Variants in PRR16 observed in about 807,000 individuals in gnomAD.
The protein encoded by PRR16 is proline rich 16.
A neutral mutation model predicts 18.2 loss-of-function variants in PRR16; 6 were observed. That is an observed-to-expected ratio of 0.33 (90% confidence interval 0.18 to 0.65). The LOEUF is 0.65. PRR16 is among the 30% of genes least tolerant of loss of function. PRR16 has a pLI of 0.74. For synonymous variants in PRR16, 151 were observed against 147.8 expected, an observed-to-expected ratio of 1.02 and a Z score of -0.16; for missense variants, 412 against 376.6, an observed-to-expected ratio of 1.09 and a Z score of -0.78.
At chr5:120,654,716 G>A (rs1481194858) in intron 1 of PRR16, among the ~76,000 whole-genome samples, 2 of 151,682 alleles carry the variant, frequency 1.3e-5, no homozygotes, top group Non-Finnish European at 2.9e-5. Context: ...ATGATTCTAT[G>A]AAAATATGTA....
chr5:120,514,405 A>G (rs1750922832), intron 1 of PRR16, among the ~76,000 whole-genome samples: 1 of 152,056 alleles, frequency 6.6e-6, no homozygotes, highest in Non-Finnish European at 1.5e-5. Context: ...ATGCTTTTCT[A>G]TTTTTTACAT....
intron 1 of PRR16, among the ~76,000 whole-genome samples, chr5:120,675,082 G>T (rs191077242): frequency 6.6e-6 from 1 of 151,850 alleles, no homozygotes; most frequent in South Asian, 2.1e-4. Context: ...CATTCATTTT[G>T]GTCTTTCTGT....
chr5:120,656,602 A>C (rs6891778), intron 1 of PRR16, among the ~76,000 whole-genome samples: 1 of 151,614 alleles, frequency 6.6e-6, no homozygotes, highest in African/African-American at 2.4e-5. Flanking sequence ...TATGAAAAGC[A>C]CACATTTCAG....
At chr5:120,754,577 T>TC in the PRR16 span, among the ~76,000 whole-genome samples, 2 of 57,318 alleles carry the variant, frequency 3.5e-5, no homozygotes, top group African/African-American at 8.6e-5. Flanking sequence ...TATATTTATA[T>TC]TTTATATATT....
At chr5:120,765,378 T>C in the PRR16 span, among the ~76,000 whole-genome samples, 28 of 152,184 alleles carry the variant, frequency 1.8e-4, no homozygotes, top group Middle Eastern at 3.4e-3. Context: ...TTGTTGATTT[T>C]GGACTGTGAC....
At chr5:120,694,245 ATAAAG>A in the PRR16 span, among the ~76,000 whole-genome samples, 1 of 152,224 alleles carries the variant, frequency 6.6e-6, no homozygotes, top group Non-Finnish European at 1.5e-5. Flanking sequence ...CATCTTATTT[ATAAAG>A]TAATCATTTT....
rs1755341869 is a variant in PRR16 at position 120,639,172 on chromosome 5, G to T, written c.160-46782G>T. ...TATGTATAATGATTACCTATTTACA[G>T]ATATCAGATATTTGATGCTTATTTT... On this transcript the variant is annotated intron_variant, in intron 1 of 1. Transcript: ENST00000407149. 2.0e-5 allele frequency among the ~76,000 whole-genome samples: 3 copies of T among 152,054 alleles called. No homozygotes were observed. The South Asian group carries it at 6.2e-4, about 32-fold the overall frequency.
chr5:120,750,408 C>T, the PRR16 span, among the ~76,000 whole-genome samples: 3 of 151,900 alleles, frequency 2.0e-5, no homozygotes, highest in Non-Finnish European at 4.4e-5. Flanking sequence ...CCTGTAATCC[C>T]AGCACTTTGG....
chr5:120,486,494 G>T (rs1325589353), intron 1 of PRR16, among the ~76,000 whole-genome samples: 5 of 151,192 alleles, frequency 3.3e-5, no homozygotes, highest in Non-Finnish European at 3.0e-5. Flanking sequence ...TTTTGATGGG[G>T]TTGTTTTTTT....
intron 1 of PRR16, among the ~76,000 whole-genome samples, chr5:120,598,197 G>A (rs145436932): frequency 1.3e-4 from 20 of 151,970 alleles, no homozygotes; most frequent in African/African-American, 4.8e-4. Context: ...TTGAGGGCAT[G>A]TGTGCAGATT....
At chr5:120,606,281 A>G (rs1039363234) in intron 1 of PRR16, among the ~76,000 whole-genome samples, 3 of 151,962 alleles carry the variant, frequency 2.0e-5, no homozygotes, top group African/African-American at 7.3e-5. Flanking sequence ...CCTCCTCAGG[A>G]CTCCCAGAGC....
At chr5:120,500,404 A>G (rs1325680457) in intron 1 of PRR16, among the ~76,000 whole-genome samples, 1 of 152,100 alleles carries the variant, frequency 6.6e-6, no homozygotes, top group Non-Finnish European at 1.5e-5. Context: ...TGTGATATAT[A>G]ATGTCCAGGG....
At chr5:120,567,542 A>C (rs1040205755) in intron 1 of PRR16, among the ~76,000 whole-genome samples, 10 of 152,148 alleles carry the variant, frequency 6.6e-5, no homozygotes, top group African/African-American at 2.4e-4. Context: ...TCCCCACTCA[A>C]ATCTCACACT....
At chr5:120,565,126 T>C (rs920230628) in intron 1 of PRR16, among the ~76,000 whole-genome samples, 17 of 152,174 alleles carry the variant, frequency 1.1e-4, no homozygotes, top group African/African-American at 3.9e-4. Context: ...TAGGATTCTA[T>C]TCCACCGTCT....
intron 1 of PRR16, among the ~76,000 whole-genome samples, chr5:120,529,756 A>G (rs1370495087): frequency 1.3e-5 from 2 of 152,108 alleles, no homozygotes; most frequent in Non-Finnish European, 2.9e-5. Context: ...AGGATTTAAG[A>G]ATAGAGTATT....
intron 1 of PRR16, among the ~76,000 whole-genome samples, chr5:120,537,022 A>T (rs550418496): frequency 2.0e-5 from 3 of 152,318 alleles, no homozygotes; most frequent in African/African-American, 7.2e-5. Context: ...GGAGGGAACA[A>T]TACACTGGAA....
At chr5:120,592,020 A>G (rs985841705) in intron 1 of PRR16, among the ~76,000 whole-genome samples, 2 of 151,860 alleles carry the variant, frequency 1.3e-5, no homozygotes, top group African/African-American at 4.8e-5. Flanking sequence ...TTTATTATGC[A>G]GTACAACAGC....
At chr5:120,476,165 C>T (rs1407343225) in intron 1 of PRR16, among the ~76,000 whole-genome samples, 3 of 152,138 alleles carry the variant, frequency 2.0e-5, no homozygotes, top group Non-Finnish European at 4.4e-5. Flanking sequence ...GTACTGCTTT[C>T]TTTGGGCCAG....
At chr5:120,684,378 G>C (rs1384308219) in intron 1 of PRR16, among the ~76,000 whole-genome samples, 1 of 152,104 alleles carries the variant, frequency 6.6e-6, no homozygotes, top group African/African-American at 2.4e-5. Flanking sequence ...CCAACGTCTA[G>C]ATGCTTTTGG....
Sources: gnomAD v4.1 joint callset for allele counts (sites outside exome capture counted in the v4.1 genomes callset) on GRCh38, gnomAD v4.1.1 for gene constraint, MANE v1.5 for transcripts, NCBI Gene and HGNC (gene_info 2026-07-23, HGNC 2026-07-21) for gene names.